NRXN3: variants seen among roughly 807,000 people sequenced by gnomAD.
NRXN3 encodes neurexin III.
In NRXN3, 32 loss-of-function variants were observed where a neutral mutation model predicts 137.6. The observed-to-expected ratio is 0.23, with a 90% CI of 0.18 to 0.31. The LOEUF is 0.31. Ranked by LOEUF, NRXN3 falls within the 10% of genes least tolerant of loss-of-function variation. The pLI, the probability that NRXN3 is intolerant of heterozygous loss-of-function variation, is 1.00. For missense variants in NRXN3, 1,574 were observed against 2,062.5 expected, an observed-to-expected ratio of 0.76 and a Z score of 4.59; for synonymous variants, 798 against 784.5, an observed-to-expected ratio of 1.02 and a Z score of -0.29.
chr14:79,216,014 A>G (rs1326079258), intron 15 of NRXN3, among the ~76,000 whole-genome samples: 1 of 152,188 alleles, frequency 6.6e-6, no homozygotes, highest in Non-Finnish European at 1.5e-5. Context: ...GTGGGCCAGA[A>G]ATTTGGACAG....
At chr14:79,171,651 AG>A (rs2061788995) in intron 15 of NRXN3, among the ~76,000 whole-genome samples, 1 of 152,138 alleles carries the variant, frequency 6.6e-6, no homozygotes, top group African/African-American at 2.4e-5. Flanking sequence ...TGATCATAAG[AG>A]TGGATATAGT....
At chr14:79,032,194 T>G (rs532916043) in intron 15 of NRXN3, among the ~76,000 whole-genome samples, 3 of 152,296 alleles carry the variant, frequency 2.0e-5, no homozygotes, top group Admixed American at 1.3e-4. Flanking sequence ...GTGGGAAATT[T>G]ATTTTCTCTG....
At chr14:79,274,559 A>G (rs1352359748) in intron 15 of NRXN3, among the ~76,000 whole-genome samples, 1 of 152,088 alleles carries the variant, frequency 6.6e-6, no homozygotes, top group Non-Finnish European at 1.5e-5. Flanking sequence ...GAAGACAAAC[A>G]GGTTGTAAAT....
rs140488220 is a variant in NRXN3, at chr14:78,631,197, A to T, written c.758-13923A>T. Among the ~76,000 whole-genome samples, 305 of 152,340 alleles carry T rather than the reference A, an allele frequency of 2.0e-3. 2 individuals are homozygous for T. The highest frequency in any genetic ancestry group is 6.9e-3 in the African/African-American group (287 of 41,570). ...TCTCAACTTCTATCAGTAGCAAGAT[A>T]CATCTTTGCAGATACCTACATGGAG... On this transcript the variant is annotated intron_variant, in intron 4 of 20. Coordinates refer to ENST00000335750, the MANE Select transcript of NRXN3 (RefSeq NM_001330195.2).
At chr14:78,444,950 G>C (rs1172887386) in intron 4 of NRXN3, among the ~76,000 whole-genome samples, 2 of 146,044 alleles carry the variant, frequency 1.4e-5, no homozygotes, top group African/African-American at 2.5e-5. Context: ...AAAAAAAAAG[G>C]AGTGTTTGAG....
chr14:78,320,818 C>T (rs917120233), intron 4 of NRXN3, among the ~76,000 whole-genome samples: 15 of 152,268 alleles, frequency 9.9e-5, no homozygotes, highest in African/African-American at 3.4e-4. Flanking sequence ...AGCATCTCAC[C>T]TAAGATCACC....
intron 10 of NRXN3, among the ~76,000 whole-genome samples, chr14:78,937,185 GAAA>G (rs199876825): frequency 0.021 from 2,042 of 98,520 alleles, 41 homozygotes; most frequent in African/African-American, 0.059. Flanking sequence ...TCGTGCCATT[GAAA>G]AAAAAAAAAA....
At chr14:79,413,701 C>T (rs2095453188) in intron 15 of NRXN3, among the ~76,000 whole-genome samples, 1 of 151,982 alleles carries the variant, frequency 6.6e-6, no homozygotes, top group Non-Finnish European at 1.5e-5. Flanking sequence ...CTTCCCTCCT[C>T]TTATATCTAT....
intron 4 of NRXN3, among the ~76,000 whole-genome samples, chr14:78,542,195 G>A (rs948386616): frequency 6.6e-6 from 1 of 152,202 alleles, no homozygotes; most frequent in Non-Finnish European, 1.5e-5. Context: ...GAGAACCACT[G>A]CTCTCTTCAG....
intron 15 of NRXN3, among the ~76,000 whole-genome samples, chr14:79,428,984 A>G (rs1246462061): frequency 2.6e-5 from 4 of 152,192 alleles, no homozygotes; most frequent in Non-Finnish European, 5.9e-5. Flanking sequence ...CTTATGAGAA[A>G]AGTGTGTTTT....
At chr14:79,332,200 G>A (rs2091780069) in intron 15 of NRXN3, among the ~76,000 whole-genome samples, 1 of 152,114 alleles carries the variant, frequency 6.6e-6, no homozygotes, top group Admixed American at 6.6e-5. Context: ...ACTTGTAATG[G>A]CAAAAACCGC....
chr14:79,188,840 C>T (rs2063863665), intron 15 of NRXN3, among the ~76,000 whole-genome samples: 1 of 152,076 alleles, frequency 6.6e-6, no homozygotes, highest in Non-Finnish European at 1.5e-5. Context: ...CAATGAGATA[C>T]CATCTCACAC....
rs57232548 is a variant in NRXN3, at chr14:78,510,040, T to TTATATATATATATATATATATATA, written c.758-135061_758-135060insATATATATATATATATATATATAT. Among the ~76,000 whole-genome samples the TTATATATATATATATATATATATA allele has an allele frequency of 1.1e-3, 165 of 144,460 alleles. 1 individual carries two copies. The East Asian group carries it at 0.018, about 15-fold the overall frequency. The allele number at this position is 144,460 out of a possible 152,430, so 94.8% of individuals were successfully genotyped here. A position where few individuals can be genotyped will look rare whatever the true frequency, so the allele number is the denominator to read the frequency against. ...AAGGCAGCCAGAACATGACAAAATT[T>TTATATATATATATATATATATATA]TATATATATATATATATATTTTGGC... On this transcript the variant is annotated intron_variant, in intron 4 of 20. Coordinates refer to ENST00000335750, the MANE Select transcript of NRXN3 (RefSeq NM_001330195.2).
At chr14:79,240,788 A>T (rs2074151931) in intron 15 of NRXN3, among the ~76,000 whole-genome samples, 1 of 152,268 alleles carries the variant, frequency 6.6e-6, no homozygotes. Flanking sequence ...AGGTGTTGGA[A>T]TTATTTGCAA....
chr14:78,731,367 A>G (rs996187978), intron 8 of NRXN3, among the ~76,000 whole-genome samples: 4 of 152,150 alleles, frequency 2.6e-5, no homozygotes, highest in Non-Finnish European at 5.9e-5. Flanking sequence ...GATTTTTATA[A>G]TTCTAAAATT....
intron 15 of NRXN3, among the ~76,000 whole-genome samples, chr14:79,240,133 T>C (rs1408647052): frequency 6.6e-6 from 1 of 152,156 alleles, no homozygotes; most frequent in African/African-American, 2.4e-5. Context: ...TGTACAGATA[T>C]AACATCACTG....
chr14:79,373,297 C>G (rs765644511), intron 15 of NRXN3, among the ~76,000 whole-genome samples: 7 of 152,006 alleles, frequency 4.6e-5, no homozygotes, highest in Non-Finnish European at 7.4e-5. Context: ...AACACTCTAT[C>G]AATTCCAATT....
intron 10 of NRXN3, among the ~76,000 whole-genome samples, chr14:78,845,907 T>TGG (rs749057390): frequency 1.7e-5 from 2 of 115,760 alleles, no homozygotes; most frequent in African/African-American, 3.7e-5. Context: ...TATGTTGGGG[T>TGG]GTGTGTGTGT....
At chr14:78,817,019 C>T (rs932777462) in intron 10 of NRXN3, among the ~76,000 whole-genome samples, 4 of 152,200 alleles carry the variant, frequency 2.6e-5, no homozygotes, top group Non-Finnish European at 5.9e-5. Flanking sequence ...ATATGTTAAT[C>T]TTGTTTTGAT....
Sources: gnomAD v4.1 joint callset for allele counts (sites outside exome capture counted in the v4.1 genomes callset) on GRCh38, gnomAD v4.1.1 for gene constraint, MANE v1.5 for transcripts, NCBI Gene and HGNC (gene_info 2026-07-23, HGNC 2026-07-21) for gene names.